AK5: variants seen among roughly 807,000 people sequenced by gnomAD.
AK5 encodes the protein adenylate kinase 5, also known as adenylate kinase isoenzyme 5.
A neutral mutation model predicts 69.5 loss-of-function variants in AK5; 27 were observed. That is an observed-to-expected ratio of 0.39 (90% CI 0.29 to 0.54). The LOEUF (loss-of-function observed/expected upper bound fraction) is 0.54, where lower values mean the gene tolerates loss of function less well. Among genes scored for constraint, AK5 ranks in the 20% least tolerant of loss-of-function variants. The pLI, the probability that AK5 is intolerant of heterozygous loss-of-function variation, is 0.71. For missense variants in AK5, 531 were observed against 700.4 expected (o/e 0.76, Z 2.73); for synonymous variants, 260 against 244.4 (o/e 1.06, Z -0.60).
intron 8 of AK5, among the ~76,000 whole-genome samples, chr1:77,481,581 T>C (rs1461151705): frequency 6.6e-6 from 1 of 152,186 alleles, no homozygotes; most frequent in Non-Finnish European, 1.5e-5. Flanking sequence ...AAATAAAGTG[T>C]TTTGAGGGCG....
chr1:77,402,666 G>A (rs1391358469), intron 6 of AK5, among the ~76,000 whole-genome samples: 1 of 151,770 alleles, frequency 6.6e-6, no homozygotes, highest in Admixed American at 6.6e-5. Context: ...TGGTGTATAT[G>A]TGCCACATTT....
rs1346593545 is a variant in AK5, at chr1:77,332,596, TTTATTTGA to T, written c.700-7774_700-7767del. On this transcript the variant is annotated intron_variant, in intron 5 of 13. Transcript: ENST00000354567. ...GGATTTTCTAGTTATATTTTTATTATTTATTTGATTATTTATTTATTTATTTATTTATT... is the reference window on the plus strand; with the variant it reads ...GGATTTTCTAGTTATATTTTTATTATTTATTTATTTATTTATTTATTTATT... Among the ~76,000 whole-genome samples, 17 of 123,808 alleles carry T rather than the reference TTTATTTGA, an allele frequency of 1.4e-4. No individual in the cohort carries two copies. The South Asian group carries it at 4.7e-3, about 34-fold the overall frequency. The allele number at this position is 123,808 out of a possible 152,430, so 81.2% of individuals were successfully genotyped here. A position where few individuals can be genotyped will look rare whatever the true frequency, so the allele number is the denominator to read the frequency against.
At chr1:77,505,646 A>T (rs1362161785) in intron 10 of AK5, among the ~76,000 whole-genome samples, 6 of 152,060 alleles carry the variant, frequency 3.9e-5, no homozygotes, top group Admixed American at 1.3e-4. Context: ...GCAAGTGGAT[A>T]ACTTGAGGCC....
intron 13 of AK5, among the ~76,000 whole-genome samples, chr1:77,541,723 G>A (rs1351006618): frequency 6.6e-6 from 1 of 152,108 alleles, no homozygotes; most frequent in Non-Finnish European, 1.5e-5. Context: ...CACAAACACC[G>A]TTTCCTTCTC....
intron 6 of AK5, among the ~76,000 whole-genome samples, chr1:77,342,664 T>A (rs74550956): frequency 6.6e-6 from 1 of 152,222 alleles, no homozygotes; most frequent in African/African-American, 2.4e-5. Flanking sequence ...TTTTAGAACC[T>A]GGATCATAGT....
rs117572786 is a variant in AK5 at position 77,355,771 on chromosome 1, A to G, written c.891+15203A>G. ...CTGTCATCATCAATATTTTATTTCC[A>G]GCAGCTGGCTTGGAGCCCATAAATT... is the stretch of plus-strand genomic sequence containing the variant. On this transcript the variant is annotated intron_variant, in intron 6 of 13. Coordinates refer to ENST00000354567, the MANE Select transcript of AK5 (RefSeq NM_174858.3). Among the ~76,000 whole-genome samples the G allele has an allele frequency of 5.5e-4, 83 of 151,918 alleles. 2 individuals carry two copies. In the East Asian group the frequency reaches 0.016, roughly 29 times the overall value.
At position 77,521,937 on chromosome 1, in the gene AK5, A is replaced by T. The variant is rs746917635; in HGVS notation, c.1422A>T (p.Gly474=). 1.1e-5 allele frequency: 17 copies of T among 1,606,542 alleles called. No individual in the cohort carries two copies. The highest frequency in any genetic ancestry group is 1.4e-5 in the Non-Finnish European group (16 of 1,176,598). Residue 474 remains glycine (G), a synonymous_variant, in exon 12 of 14, where the codon GGA becomes GGT. Transcript: ENST00000354567. ...AGGTGAAGCAAGGGGAAGAGTTCGG[A>T]CGCAGGGTGAGTGGTTGTTACGGGC... ...PREVKQGEEF[G]RRIGDPQLVI... is the part of the protein sequence containing the mutation.
intron 12 of AK5, among the ~76,000 whole-genome samples, chr1:77,535,230 A>G (rs369226286): frequency 6.6e-6 from 1 of 152,216 alleles, no homozygotes; most frequent in Non-Finnish European, 1.5e-5. Context: ...CTGTTGGTCA[A>G]AATAGTTACA....
At position 77,444,305 on chromosome 1, in the gene AK5, ATATACAC is replaced by A. The variant is rs530285606; in HGVS notation, c.1059+26591_1059+26597del. ...CAACATATGTGTATATATATAGTAT[ATATACAC>A]AATATATGTGTATATATATAGTATA... is the stretch of plus-strand genomic sequence containing the variant. On this transcript the variant is annotated intron_variant, in intron 8 of 13. Coordinates refer to ENST00000354567, the MANE Select transcript of AK5 (RefSeq NM_174858.3). 8.4e-3 allele frequency among the ~76,000 whole-genome samples: 658 copies of A among 78,534 alleles called. 89 individuals carry two copies. The highest frequency in any genetic ancestry group is 0.022 in the Middle Eastern group (3 of 134). The allele number at this position is 78,534 out of a possible 152,430, so 51.5% of individuals were successfully genotyped here.
At chr1:77,407,249 A>T (rs577633177) in intron 6 of AK5, among the ~76,000 whole-genome samples, 1 of 152,324 alleles carries the variant, frequency 6.6e-6, no homozygotes, top group African/African-American at 2.4e-5. Context: ...TAGAGTTGAA[A>T]ACTACAATGT....
chr1:77,507,177 G>A (rs939307064), intron 10 of AK5, among the ~76,000 whole-genome samples: 3 of 152,300 alleles, frequency 2.0e-5, no homozygotes, highest in African/African-American at 2.4e-5. Flanking sequence ...GCCACCTGAC[G>A]GGGCCATGAT....
chr1:77,287,149 A>T (rs1658404029), intron 2 of AK5, 22 bp downstream of exon 2: 1 of 1,480,920 alleles, frequency 6.8e-7, no homozygotes, highest in Non-Finnish European at 9.0e-7. Flanking sequence ...GGAGAATAAT[A>T]GACAGTTTTA....
chr1:77,353,867 GAGA>G (rs1662350226), intron 6 of AK5, among the ~76,000 whole-genome samples: 1 of 152,320 alleles, frequency 6.6e-6, no homozygotes, highest in East Asian at 1.9e-4. Flanking sequence ...GGAGCCCATA[GAGA>G]AAAGGGAGGA....
chr1:77,544,902 G>A (rs1041556170), intron 13 of AK5, among the ~76,000 whole-genome samples: 9 of 152,092 alleles, frequency 5.9e-5, no homozygotes, highest in South Asian at 2.1e-4. Flanking sequence ...GTGATTGTAC[G>A]TGCTATACTT....
intron 1 of AK5, 155 bp downstream of exon 1, chr1:77,282,528 G>C: frequency 7.3e-7 from 1 of 1,373,268 alleles, no homozygotes; most frequent in Non-Finnish European, 9.5e-7. Context: ...GAGGGTAGTC[G>C]CCTTTCCCGC....
At chr1:77,525,639 C>A (rs1658233180) in intron 12 of AK5, among the ~76,000 whole-genome samples, 1 of 152,202 alleles carries the variant, frequency 6.6e-6, no homozygotes, top group Admixed American at 6.5e-5. Flanking sequence ...CAATCTGCCC[C>A]CATGACCCAA....
At chr1:77,505,303 A>G (rs561122691) in intron 10 of AK5, among the ~76,000 whole-genome samples, 2 of 152,360 alleles carry the variant, frequency 1.3e-5, no homozygotes, top group South Asian at 2.1e-4. Flanking sequence ...TGGAACAGTA[A>G]GATACTTATT....
At chr1:77,452,389 C>T (rs1406828371) in intron 8 of AK5, among the ~76,000 whole-genome samples, 1 of 152,124 alleles carries the variant, frequency 6.6e-6, no homozygotes, top group Non-Finnish European at 1.5e-5. Flanking sequence ...ATCAGATATA[C>T]TTTAATAATA....
At chr1:77,417,172 A>G (rs1026640831) in intron 7 of AK5, among the ~76,000 whole-genome samples, 3 of 151,802 alleles carry the variant, frequency 2.0e-5, no homozygotes, top group African/African-American at 7.3e-5. Flanking sequence ...GTTTCTGGAA[A>G]CCCCTTACTC....
Sources: allele counts gnomAD v4.1 joint callset (sites outside exome capture counted in the v4.1 genomes callset), GRCh38; gene constraint gnomAD v4.1.1; transcripts MANE v1.5; gene names NCBI Gene and HGNC (gene_info 2026-07-23, HGNC 2026-07-21).